MBNL2: variants seen among roughly 807,000 people sequenced by gnomAD.
MBNL2 encodes muscleblind like splicing regulator 2.
MBNL2 carries 17 observed loss-of-function variants against 41.9 expected under a neutral mutation model. The ratio of observed to expected loss-of-function variants is 0.41; its 90% confidence interval spans 0.28 to 0.61. MBNL2 has a LOEUF of 0.61. Ranked by LOEUF, MBNL2 falls within the 20% of genes least tolerant of loss-of-function variation. The probability of loss-of-function intolerance (pLI) is 0.35; values close to 1 mark genes in which losing one functional copy is unlikely to be tolerated. For missense variants in MBNL2, 336 were observed against 505.6 expected, an observed-to-expected ratio of 0.66 and a Z score of 3.22; for synonymous variants, 195 against 182.9, an observed-to-expected ratio of 1.07 and a Z score of -0.53.
chr13:97,196,724 CAGAA>C, the MBNL2 span, among the ~76,000 whole-genome samples: 27 of 152,226 alleles, frequency 1.8e-4, no homozygotes, highest in African/African-American at 6.5e-4. Flanking sequence ...TTTCTGGGCA[CAGAA>C]AGGTGGTGTG....
chr13:97,158,139 A>C, the MBNL2 span, among the ~76,000 whole-genome samples: 1 of 151,560 alleles, frequency 6.6e-6, no homozygotes, highest in Non-Finnish European at 1.5e-5. Context: ...TGTATGTGTC[A>C]AGGAATTTAT....
At chr13:97,157,805 G>T in the MBNL2 span, among the ~76,000 whole-genome samples, 10 of 150,732 alleles carry the variant, frequency 6.6e-5, no homozygotes, top group Non-Finnish European at 1.0e-4. Context: ...GCCAGTATTT[G>T]ATTGAGGATT....
chr13:97,328,527 T>G (rs1437836741), intron 2 of MBNL2, among the ~76,000 whole-genome samples: 1 of 152,218 alleles, frequency 6.6e-6, no homozygotes, highest in African/African-American at 2.4e-5. Context: ...AAGGTGGCAC[T>G]GAAAGAGGCA....
At chr13:97,295,524 A>T (rs938119560) in intron 2 of MBNL2, among the ~76,000 whole-genome samples, 3 of 152,124 alleles carry the variant, frequency 2.0e-5, no homozygotes, top group African/African-American at 7.2e-5. Flanking sequence ...TTAACACCAT[A>T]CTTGGTTCAT....
the MBNL2 span, among the ~76,000 whole-genome samples, chr13:97,170,000 T>C: frequency 6.6e-6 from 1 of 152,226 alleles, no homozygotes; most frequent in Admixed American, 6.5e-5. Context: ...TTTACTTACA[T>C]TGTGACTTCA....
chr13:97,300,050 T>C (rs1322376583), intron 2 of MBNL2, among the ~76,000 whole-genome samples: 1 of 152,100 alleles, frequency 6.6e-6, no homozygotes, highest in Non-Finnish European at 1.5e-5. Context: ...TAGAATTGCA[T>C]AGTCAAGGCT....
rs538612377 is a variant in MBNL2, at chr13:97,234,048, C to T, written c.-605+11517C>T. On this transcript the variant is annotated intron_variant, in intron 1 of 8. Transcript: ENST00000679496. ...CATCTGAGGGATTATTAGCACAATTCCTGTCTACCCTCTTCCCCAGCCCTG... is the reference window on the plus strand; with the variant it reads ...CATCTGAGGGATTATTAGCACAATTTCTGTCTACCCTCTTCCCCAGCCCTG... Among the ~76,000 whole-genome samples, 4 of 152,300 alleles carry T rather than the reference C, an allele frequency of 2.6e-5. No homozygotes were observed. In the South Asian group the frequency reaches 8.3e-4, roughly 32 times the overall value.
chr13:97,342,786 T>C (rs1044577802), intron 3 of MBNL2, among the ~76,000 whole-genome samples: 11 of 152,340 alleles, frequency 7.2e-5, no homozygotes, highest in African/African-American at 2.6e-4. Context: ...GGACAAAAGC[T>C]TAATCTAGTT....
chr13:97,366,671 T>G lies in MBNL2; in HGVS notation c.1048+1500T>G. 2.7e-6 allele frequency: 2 copies of G among 727,696 alleles called. No individual in the cohort carries two copies. Among genetic ancestry groups the G allele is most frequent in the South Asian group, 1.5e-5 (1 of 65,610 alleles). The allele number at this position is 727,696 out of a possible 1,614,324, so 45.1% of individuals were successfully genotyped here. A position where few individuals can be genotyped will look rare whatever the true frequency, so the allele number is the denominator to read the frequency against. Reference sequence around the variant, plus strand: ...CATGTTTATCCATCAAATTTTATTTTTTTAATTAGTTTATAGCAAGCATTT... The same window carrying G: ...CATGTTTATCCATCAAATTTTATTTGTTTAATTAGTTTATAGCAAGCATTT... On this transcript the variant is annotated intron_variant, in intron 8 of 8. Transcript: ENST00000679496. This position sits in a 1 kb window ranked among gnomAD's most constrained non-coding sequence, Gnocchi z 4.7.
intron 1 of MBNL2, among the ~76,000 whole-genome samples, chr13:97,255,257 A>T (rs2047304790): frequency 6.6e-6 from 1 of 152,198 alleles, no homozygotes; most frequent in Non-Finnish European, 1.5e-5. Context: ...TTATCTAAAA[A>T]AGTCTTCTAA....
intron 1 of MBNL2, among the ~76,000 whole-genome samples, chr13:97,263,760 G>A (rs895979999): frequency 6.6e-6 from 1 of 152,002 alleles, no homozygotes; most frequent in African/African-American, 2.4e-5. Context: ...TGGGATTACA[G>A]GTGTGCACTA....
At chr13:97,259,369 A>T in intron 1 of MBNL2, among the ~76,000 whole-genome samples, 1 of 152,186 alleles carries the variant, frequency 6.6e-6, no homozygotes, top group East Asian at 1.9e-4. Context: ...GGGCATAAGC[A>T]TTCCAAATCT....
At chr13:97,291,039 A>G (rs1182873770) in intron 2 of MBNL2, among the ~76,000 whole-genome samples, 1 of 152,090 alleles carries the variant, frequency 6.6e-6, no homozygotes, top group African/African-American at 2.4e-5. Flanking sequence ...CTAAGATTTG[A>G]GTACAGGGAT....
chr13:97,184,688 G>A, the MBNL2 span, among the ~76,000 whole-genome samples: 13 of 152,136 alleles, frequency 8.5e-5, no homozygotes, highest in Non-Finnish European at 1.6e-4. Flanking sequence ...TTGCCATCTT[G>A]GCCAGGCTGT....
intron 1 of MBNL2, among the ~76,000 whole-genome samples, chr13:97,224,359 G>A (rs1381248307): frequency 6.6e-6 from 1 of 152,172 alleles, no homozygotes; most frequent in Non-Finnish European, 1.5e-5. Context: ...GTACAATACT[G>A]CAGGCTGCAA....
In MBNL2 at chr13:97,245,449, T is replaced by TC. The variant is rs563842513; in HGVS notation, c.-605+22923dup. 4.6e-3 allele frequency among the ~76,000 whole-genome samples: 699 copies of TC among 152,268 alleles called. 15 individuals are homozygous for TC. Among genetic ancestry groups the TC allele is most frequent in the Non-Finnish European group, 2.2e-3 (148 of 68,026 alleles). ...AAAGCTAGGATTCTCACAAAAGTCA[T>TC]CCCCCGTCTTCTCCCTACGAAAGCG... On this transcript the variant is annotated intron_variant, in intron 1 of 8. Coordinates refer to ENST00000679496, the MANE Select transcript of MBNL2 (RefSeq NM_001382683.1).
intron 2 of MBNL2, among the ~76,000 whole-genome samples, chr13:97,282,338 C>T (rs2053598824): frequency 6.6e-6 from 1 of 152,028 alleles, no homozygotes; most frequent in Admixed American, 6.6e-5. Context: ...CTGGGGGACA[C>T]AGCAAGACTT....
At chr13:97,168,106 C>G in the MBNL2 span, among the ~76,000 whole-genome samples, 1 of 151,908 alleles carries the variant, frequency 6.6e-6, no homozygotes, top group Admixed American at 6.6e-5. Context: ...GCTGAGATTA[C>G]AGGCATGTGC....
intron 7 of MBNL2, among the ~76,000 whole-genome samples, chr13:97,364,098 A>G (rs1027843620): frequency 1.3e-5 from 2 of 152,184 alleles, no homozygotes; most frequent in African/African-American, 4.8e-5. Flanking sequence ...AGCTTTCAAT[A>G]CAGCTTTCTT....
Sources: allele counts gnomAD v4.1 joint callset (sites outside exome capture counted in the v4.1 genomes callset), GRCh38; gene constraint gnomAD v4.1.1; non-coding constraint Gnocchi (gnomAD v3.1); transcripts MANE v1.5; gene names NCBI Gene and HGNC (gene_info 2026-07-23, HGNC 2026-07-21).